TJP1: variants seen among roughly 807,000 people sequenced by gnomAD.
TJP1 encodes the protein tight junction protein 1, also known as tight junction protein ZO-1.
TJP1 carries 43 observed loss-of-function variants against 194.2 expected under a neutral mutation model. The ratio of observed to expected loss-of-function variants is 0.22; its 90% CI spans 0.17 to 0.29. TJP1 has a LOEUF of 0.29. Among genes scored for constraint, TJP1 ranks in the 10% least tolerant of loss-of-function variants. The probability of loss-of-function intolerance (pLI) is 1.00; values close to 1 mark genes in which losing one functional copy is unlikely to be tolerated. For missense variants in TJP1, 1,971 were observed against 2,185.7 expected, an observed-to-expected ratio of 0.90 and a Z score of 1.96; for synonymous variants, 801 against 779.0, an observed-to-expected ratio of 1.03 and a Z score of -0.47.
intron 2 of TJP1, among the ~76,000 whole-genome samples, chr15:29,859,396 G>C (rs1018557743): frequency 1.3e-5 from 2 of 152,174 alleles, no homozygotes; most frequent in African/African-American, 4.8e-5. Flanking sequence ...AGAACCCAAA[G>C]TGCAAGGCAT....
intron 1 of TJP1, chr15:29,968,308 G>A: frequency 1.0e-6 from 1 of 985,072 alleles, no homozygotes; most frequent in Non-Finnish European, 1.2e-6. Flanking sequence ...GAGCCTGGCT[G>A]GAAATTCTGA....
intron 2 of TJP1, among the ~76,000 whole-genome samples, chr15:29,787,613 T>A (rs2047782058): frequency 6.6e-6 from 1 of 152,244 alleles, no homozygotes; most frequent in African/African-American, 2.4e-5. Context: ...TGTTCTTTTA[T>A]GACTGGCATC....
At chr15:29,833,655 A>G (rs1158740050) in intron 2 of TJP1, among the ~76,000 whole-genome samples, 1 of 151,280 alleles carries the variant, frequency 6.6e-6, no homozygotes, top group Non-Finnish European at 1.5e-5. Flanking sequence ...AACCTCCCAA[A>G]ATTGCTAGGA....
intron 2 of TJP1, among the ~76,000 whole-genome samples, chr15:29,904,272 A>T (rs943821782): frequency 6.6e-6 from 1 of 152,152 alleles, no homozygotes; most frequent in East Asian, 1.9e-4. Flanking sequence ...AGATGAGACC[A>T]GGTGGATACA....
intron 2 of TJP1, among the ~76,000 whole-genome samples, chr15:29,851,531 T>C (rs1234153873): frequency 6.6e-6 from 1 of 152,160 alleles, no homozygotes; most frequent in Non-Finnish European, 1.5e-5. Flanking sequence ...TAGAGAATTC[T>C]ACCAAACATT....
chr15:29,891,442 C>G (rs1477814364), intron 2 of TJP1, among the ~76,000 whole-genome samples: 1 of 152,208 alleles, frequency 6.6e-6, no homozygotes, highest in African/African-American at 2.4e-5. Flanking sequence ...TTCTATTCTT[C>G]CCATCTTGTA....
chr15:29,958,469 G>A (rs984648122), intron 1 of TJP1, among the ~76,000 whole-genome samples: 14 of 151,786 alleles, frequency 9.2e-5, no homozygotes, highest in Admixed American at 3.9e-4. Flanking sequence ...TGTGTTTAAT[G>A]CTTTCTTCTT....
chr15:29,897,787 T>C (rs1424350989), intron 2 of TJP1, among the ~76,000 whole-genome samples: 6 of 152,194 alleles, frequency 3.9e-5, no homozygotes, highest in South Asian at 4.1e-4. Context: ...CTGCTGGATT[T>C]TGGACTCACA....
chr15:29,741,706 G>T (rs1197888982), intron 9 of TJP1, among the ~76,000 whole-genome samples: 1 of 152,284 alleles, frequency 6.6e-6, no homozygotes, highest in East Asian at 1.9e-4. Flanking sequence ...GATATGAGAA[G>T]AGAGAATTCC....
At chr15:29,727,891 A>C in intron 16 of TJP1, 46 bp downstream of exon 16, 1 of 1,552,168 alleles carries the variant, frequency 6.4e-7, no homozygotes, top group Non-Finnish European at 8.9e-7. Context: ...CATCCCACTC[A>C]AAACCACAAT....
At chr15:29,703,561 A>AT (rs754600950) in intron 27 of TJP1, among the ~76,000 whole-genome samples, 5 of 152,244 alleles carry the variant, frequency 3.3e-5, no homozygotes, top group Non-Finnish European at 7.3e-5. Flanking sequence ...GTGCAGGACA[A>AT]TATCTCCCAC....
At chr15:29,958,541 T>G (rs1330918650) in intron 1 of TJP1, among the ~76,000 whole-genome samples, 1 of 152,214 alleles carries the variant, frequency 6.6e-6, no homozygotes, top group African/African-American at 2.4e-5. Flanking sequence ...AAGACCTTTT[T>G]CCCTTTCCAT....
chr15:29,846,189 C>G (rs928608660), intron 2 of TJP1, among the ~76,000 whole-genome samples: 4 of 152,154 alleles, frequency 2.6e-5, no homozygotes, highest in African/African-American at 7.2e-5. Flanking sequence ...GCTTATAATC[C>G]TGCAAAACTG....
At chr15:29,768,139 T>G (rs1324797035) in intron 4 of TJP1, among the ~76,000 whole-genome samples, 1 of 152,172 alleles carries the variant, frequency 6.6e-6, no homozygotes, top group Non-Finnish European at 1.5e-5. Flanking sequence ...ACTATTATTA[T>G]CAGATACTGG....
intron 2 of TJP1, among the ~76,000 whole-genome samples, chr15:29,949,286 G>A (rs796094014): frequency 0.054 from 1,123 of 20,784 alleles, 51 homozygotes; most frequent in Middle Eastern, 0.077. Context: ...CACCTCCACC[G>A]CCATCACCTC....
rs943357497 is a variant in TJP1 at position 29,968,062 on chromosome 15, C to G, written c.173+605G>C. The G allele has an allele frequency of 9.1e-6, 9 of 985,114 alleles. No homozygotes were observed. In the African/African-American group the frequency reaches 1.6e-4, roughly 17 times the overall value. The allele number at this position is 985,114 out of a possible 1,614,324, so 61.0% of individuals were successfully genotyped here. On this transcript the variant is annotated intron_variant, in intron 1 of 28. Coordinates refer to the TJP1 transcript ENST00000356107. ...AATCAGCAACGTAAACCAGTAAGGT[C>G]CAGACATTTTTCTTTAAGGATGTTT...
intron 2 of TJP1, among the ~76,000 whole-genome samples, chr15:29,862,814 A>AT (rs1201668597): frequency 6.6e-6 from 1 of 150,942 alleles, no homozygotes; most frequent in African/African-American, 2.4e-5. Flanking sequence ...CGCCTGGCTA[A>AT]TTTTTTTGTA....
chr15:29,822,282 T>G lies in TJP1; in HGVS notation c.-254A>C. ...CCTCCCTCCGAGCGCGGCCACCCAC[T>G]CGGCCTCCCGCAGCTTTCGCAGCCC... On this transcript the variant is annotated 5_prime_UTR_variant, in exon 1 of 28. Transcript: ENST00000614355. 8.7e-7 allele frequency: 1 copy of G among 1,144,174 alleles called. No homozygotes were observed. Among genetic ancestry groups the G allele is most frequent in the South Asian group, 4.4e-5 (1 of 22,730 alleles). The allele number at this position is 1,144,174 out of a possible 1,614,324, so 70.9% of individuals were successfully genotyped here.
At chr15:29,949,632 C>T (rs1334311003) in intron 2 of TJP1, among the ~76,000 whole-genome samples, 13 of 116,870 alleles carry the variant, frequency 1.1e-4, no homozygotes, top group Admixed American at 3.8e-4. Flanking sequence ...ACCTCCACCT[C>T]CACCACCTCC....
Sources: allele counts gnomAD v4.1 joint callset (sites outside exome capture counted in the v4.1 genomes callset), GRCh38; gene constraint gnomAD v4.1.1; transcripts MANE v1.5; gene names NCBI Gene and HGNC (gene_info 2026-07-23, HGNC 2026-07-21).